SDK2: variants seen among roughly 807,000 people sequenced by gnomAD.
SDK2 encodes the protein protein sidekick-2.
Under a neutral mutation model 253.9 loss-of-function variants are expected in SDK2, and 105 were observed. That is an observed-to-expected ratio of 0.41 (90% CI 0.35 to 0.49). The LOEUF is 0.49. Ranked by LOEUF, SDK2 falls within the 20% of genes least tolerant of loss-of-function variation. SDK2 has a pLI of 0.06. For synonymous variants in SDK2, 1,249 were observed against 1,234.9 expected (o/e 1.01, Z -0.24); for missense variants, 2,608 against 3,003.0 (o/e 0.87, Z 3.07).
At chr17:73,385,317 AC>A (rs1465827228) in intron 32 of SDK2, among the ~76,000 whole-genome samples, 2 of 152,148 alleles carry the variant, frequency 1.3e-5, no homozygotes, top group Non-Finnish European at 2.9e-5. Context: ...GGCAGTGCCC[AC>A]TGAAGAGTGG....
intron 1 of SDK2, among the ~76,000 whole-genome samples, chr17:73,597,934 C>T (rs2045783534): frequency 6.6e-6 from 1 of 152,172 alleles, no homozygotes; most frequent in Non-Finnish European, 1.5e-5. Flanking sequence ...CCTGAGCCAC[C>T]GCGCCTGGCC....
At chr17:73,473,348 G>A (rs1426761336) in intron 2 of SDK2, among the ~76,000 whole-genome samples, 1 of 152,208 alleles carries the variant, frequency 6.6e-6, no homozygotes, top group African/African-American at 2.4e-5. Context: ...GGGTCCAGGG[G>A]CTAGTTCTCC....
chr17:73,403,976 A>G (rs959572130), intron 18 of SDK2, among the ~76,000 whole-genome samples: 1 of 152,224 alleles, frequency 6.6e-6, no homozygotes, highest in Non-Finnish European at 1.5e-5. Flanking sequence ...GTTCCCCAGC[A>G]AGTATAAAAT....
chr17:73,620,904 G>C (rs2046124733), intron 1 of SDK2, among the ~76,000 whole-genome samples: 1 of 152,110 alleles, frequency 6.6e-6, no homozygotes, highest in Non-Finnish European at 1.5e-5. Flanking sequence ...TTCCTTTTGG[G>C]GTGATAAAAT....
intron 2 of SDK2, among the ~76,000 whole-genome samples, chr17:73,503,161 T>C (rs566047058): frequency 1.7e-4 from 26 of 152,286 alleles, no homozygotes; most frequent in African/African-American, 6.3e-4. Context: ...TCAAGACTCA[T>C]GGCAATTAAA....
At chr17:73,466,714 C>CA (rs765883755) in intron 3 of SDK2, among the ~76,000 whole-genome samples, 1 of 103,318 alleles carries the variant, frequency 9.7e-6, no homozygotes. Context: ...CTCTGGGGAA[C>CA]GCCCCCCCCC....
At chr17:73,343,386 C>G (rs2145375409) in intron 44 of SDK2, among the ~76,000 whole-genome samples, 1 of 152,382 alleles carries the variant, frequency 6.6e-6, no homozygotes, top group East Asian at 1.9e-4. Flanking sequence ...CCTCCATCTC[C>G]CTGAACATCT....
chr17:73,437,894 C>A, intron 7 of SDK2, 70 bp downstream of exon 7: 1 of 1,606,558 alleles, frequency 6.2e-7, no homozygotes, highest in Non-Finnish European at 8.5e-7. Flanking sequence ...AGGGGGTCAC[C>A]CTTAAGGAGG....
chr17:73,363,826 C>T (rs556043488), intron 38 of SDK2, among the ~76,000 whole-genome samples: 3 of 152,162 alleles, frequency 2.0e-5, no homozygotes, highest in South Asian at 2.1e-4. Flanking sequence ...TACCTTGTCT[C>T]GGGGACTGCT....
At chr17:73,442,880 CT>C (rs35336754) in intron 5 of SDK2, among the ~76,000 whole-genome samples, 1 of 149,186 alleles carries the variant, frequency 6.7e-6, no homozygotes, top group African/African-American at 2.5e-5. Flanking sequence ...GTAGCAATTC[CT>C]TTTTTTTATA....
At chr17:73,402,788 ATTAT>A (rs951441987) in intron 18 of SDK2, among the ~76,000 whole-genome samples, 12 of 151,076 alleles carry the variant, frequency 7.9e-5, no homozygotes, top group East Asian at 2.0e-4. Flanking sequence ...ATTTTATTTT[ATTAT>A]TTATTTATTT....
chr17:73,376,195 A>C (rs1422621466), intron 36 of SDK2, among the ~76,000 whole-genome samples: 16 of 128,062 alleles, frequency 1.2e-4, no homozygotes, highest in Admixed American at 4.5e-4. Context: ...TCCGTGTCAA[A>C]AAAAAAAAAA....
intron 44 of SDK2, among the ~76,000 whole-genome samples, chr17:73,345,954 C>T (rs1874932550): frequency 6.6e-6 from 1 of 152,060 alleles, no homozygotes; most frequent in Admixed American, 6.6e-5. Context: ...CACCTGTGAT[C>T]CCAGCATTTT....
intron 1 of SDK2, among the ~76,000 whole-genome samples, chr17:73,598,659 G>A (rs1015380103): frequency 5.3e-5 from 8 of 152,190 alleles, no homozygotes; most frequent in African/African-American, 1.9e-4. Context: ...GACGTGGATC[G>A]CTGGCCTTTT....
Position 73,352,362 on chromosome 17 carries a change from C to T in SDK2, c.5758+111G>A, listed in dbSNP as rs1472468080. ...CCGAGGGGACAATGTGTTTTTGTTCCCGCCCCATGCTCCTGGTGCCCTGGT... is the reference window on the plus strand; with the variant it reads ...CCGAGGGGACAATGTGTTTTTGTTCTCGCCCCATGCTCCTGGTGCCCTGGT... On this transcript the variant is annotated intron_variant, in intron 41 of 44. Coordinates refer to ENST00000392650, the MANE Select transcript of SDK2 (RefSeq NM_001144952.2). The surrounding 1 kb of genome is among the most constrained non-coding windows in gnomAD (Gnocchi z 4.1). The T allele has an allele frequency of 1.5e-6, 2 of 1,344,784 alleles. No homozygotes were observed. The highest frequency in any genetic ancestry group is 2.2e-5 in the Admixed American group (1 of 45,158). 83.3% of individuals were successfully genotyped at this position (1,344,784 alleles called of 1,614,324 possible).
At chr17:73,405,506 ATATATAT>A (rs1386071112) in intron 18 of SDK2, among the ~76,000 whole-genome samples, 9,936 of 84,416 alleles carry the variant, frequency 0.12, 2,805 homozygotes, top group Non-Finnish European at 0.15. Context: ...ATATATATAT[ATATATAT>A]ATATAAAGAT....
rs575975607 is a variant in SDK2, at chr17:73,383,216, C to T, written c.4705+660G>A. On this transcript the variant is annotated intron_variant, in intron 33 of 44. Transcript: ENST00000392650. This position sits in a 1 kb window ranked among gnomAD's most constrained non-coding sequence, Gnocchi z 4.3. Reference sequence around the variant, plus strand: ...TGGCTCTCCATCCTCCCACCATGGCCAAGCCATCATCCTCATGCCACCAAA... The same window carrying T: ...TGGCTCTCCATCCTCCCACCATGGCTAAGCCATCATCCTCATGCCACCAAA... Among the ~76,000 whole-genome samples the T allele has an allele frequency of 6.6e-6, 1 of 152,336 alleles. No individual in the cohort carries two copies. The highest frequency in any genetic ancestry group is 1.9e-4 in the East Asian group (1 of 5,178).
rs144205581 is a variant in SDK2, at chr17:73,420,172, T to C, written c.2046-866A>G. On this transcript the variant is annotated intron_variant, in intron 15 of 44. Transcript: ENST00000392650. The stretch of plus-strand genomic sequence containing the variant: ...GGGAGCCAAGCGCGACAGCACGTCT[T>C]TCTCTGGCATTGCTGGGGGATGCTG... 4.5e-3 allele frequency among the ~76,000 whole-genome samples: 678 copies of C among 152,352 alleles called. 19 individuals carry two copies. The highest frequency in any genetic ancestry group is 0.038 in the Admixed American group (589 of 15,300).
At chr17:73,623,919 A>C (rs766550030) in intron 1 of SDK2, among the ~76,000 whole-genome samples, 1 of 152,096 alleles carries the variant, frequency 6.6e-6, no homozygotes, top group Non-Finnish European at 1.5e-5. Flanking sequence ...ATTCCTTTTC[A>C]TGTTCTCCTT....
Sources: gnomAD v4.1 joint callset for allele counts (sites outside exome capture counted in the v4.1 genomes callset) on GRCh38, gnomAD v4.1.1 for gene constraint, Gnocchi (gnomAD v3.1) non-coding constraint, MANE v1.5 for transcripts, NCBI Gene and HGNC (gene_info 2026-07-23, HGNC 2026-07-21) for gene names.